Variants in UNC79 observed in about 807,000 individuals in gnomAD.
UNC79 encodes unc-79 subunit of NALCN channel complex.
A neutral mutation model predicts 283.1 loss-of-function variants in UNC79; 37 were observed. The ratio of observed to expected loss-of-function variants is 0.13; its 90% CI spans 0.10 to 0.17. UNC79 has a LOEUF of 0.17. Ranked by LOEUF, UNC79 falls within the 10% of genes least tolerant of loss-of-function variation. The pLI is 1.00. For missense variants in UNC79, 2,272 were observed against 3,211.1 expected (o/e 0.71, Z 7.07); for synonymous variants, 1,107 against 1,200.2 (o/e 0.92, Z 1.61).
rs138148677 is a variant in UNC79, at chr14:93,432,558, G to A, written c.22+1507G>A. Among the ~76,000 whole-genome samples the A allele has an allele frequency of 5.2e-3, 790 of 152,258 alleles. 4 individuals are homozygous for A. Among genetic ancestry groups the A allele is most frequent in the Middle Eastern group, 0.02 (6 of 294 alleles). On this transcript the variant is annotated intron_variant, in intron 1 of 48. Transcript: ENST00000555664. The stretch of plus-strand genomic sequence containing the variant: ...GACAAGCATTGCCCACTTTTAAATA[G>A]TCCATCTCCTCTAAATAGTTAGGAA...
intron 2 of UNC79, among the ~76,000 whole-genome samples, chr14:93,473,112 A>T (rs539894895): frequency 6.6e-6 from 1 of 151,968 alleles, no homozygotes; most frequent in South Asian, 2.1e-4. Context: ...ATTCCCATTA[A>T]TTTTTTTTAA....
chr14:93,455,356 C>T (rs548519978), intron 1 of UNC79, among the ~76,000 whole-genome samples: 4 of 152,160 alleles, frequency 2.6e-5, no homozygotes, highest in Non-Finnish European at 5.9e-5. Context: ...CTCCACATCT[C>T]CATTTCTGAA....
chr14:93,645,998 A>T (rs1171749732), intron 34 of UNC79, among the ~76,000 whole-genome samples: 2 of 152,116 alleles, frequency 1.3e-5, no homozygotes, highest in South Asian at 4.1e-4. Flanking sequence ...TGTTATTCTA[A>T]ACCCATCAGT....
chr14:93,551,784 C>T (rs975093713), intron 14 of UNC79, among the ~76,000 whole-genome samples: 1 of 152,186 alleles, frequency 6.6e-6, no homozygotes, highest in Non-Finnish European at 1.5e-5. Context: ...CCAAGCCCCA[C>T]CCTTACTGTC....
intron 33 of UNC79, among the ~76,000 whole-genome samples, chr14:93,642,824 C>G (rs1165597070): frequency 6.6e-6 from 1 of 152,178 alleles, no homozygotes; most frequent in Non-Finnish European, 1.5e-5. Flanking sequence ...GTTCTTGATT[C>G]CCTGCTATTC....
chr14:93,529,649 C>T (rs145552910), intron 10 of UNC79, among the ~76,000 whole-genome samples: 92 of 152,176 alleles, frequency 6.0e-4, no homozygotes, highest in African/African-American at 2.1e-3. Context: ...AGTTGCTGCA[C>T]CAGGTCTTAC....
At chr14:93,342,414 CAG>C (rs957896692) in intron 1 of UNC79, among the ~76,000 whole-genome samples, 1 of 152,182 alleles carries the variant, frequency 6.6e-6, no homozygotes, top group Non-Finnish European at 1.5e-5. Flanking sequence ...CACAGAGAAA[CAG>C]GGTCCTGGGC....
upstream of UNC79, among the ~76,000 whole-genome samples, chr14:93,430,085 G>C (rs182107225): frequency 1.3e-5 from 2 of 152,272 alleles, no homozygotes; most frequent in East Asian, 1.9e-4. The surrounding 1 kb of genome is among the most constrained non-coding windows in gnomAD (Gnocchi z 4.6). Flanking sequence ...CGCTGCCTTC[G>C]GTTTTCCAGT....
intron 22 of UNC79, among the ~76,000 whole-genome samples, chr14:93,587,586 T>C (rs569173244): frequency 1.3e-5 from 2 of 152,234 alleles, no homozygotes; most frequent in Non-Finnish European, 2.9e-5. Context: ...TATGAGGGCT[T>C]ACTGTATACA....
At chr14:93,494,920 A>T (rs2058946191) in intron 5 of UNC79, among the ~76,000 whole-genome samples, 1 of 152,206 alleles carries the variant, frequency 6.6e-6, no homozygotes, top group African/African-American at 2.4e-5. Context: ...GAAAGCTGCC[A>T]CTGTGGAGGT....
chr14:93,470,293 TAG>T (rs2057436108), intron 2 of UNC79, among the ~76,000 whole-genome samples: 1 of 152,194 alleles, frequency 6.6e-6, no homozygotes, highest in Admixed American at 6.5e-5. Flanking sequence ...ATGATTTTAG[TAG>T]AGTTTCGTAC....
chr14:93,439,763 T>G (rs1157098254), intron 1 of UNC79, among the ~76,000 whole-genome samples: 1 of 152,166 alleles, frequency 6.6e-6, no homozygotes, highest in African/African-American at 2.4e-5. Flanking sequence ...AACTTCTTTC[T>G]CTATTTGTTG....
At chr14:93,695,123 C>T (rs1280341053) in intron 47 of UNC79, among the ~76,000 whole-genome samples, 3 of 152,104 alleles carry the variant, frequency 2.0e-5, no homozygotes, top group Admixed American at 6.6e-5. Flanking sequence ...TCCTTTCCTT[C>T]CTATCGTTCC....
At chr14:93,447,067 T>C (rs2056482871) in intron 1 of UNC79, among the ~76,000 whole-genome samples, 1 of 152,226 alleles carries the variant, frequency 6.6e-6, no homozygotes, top group Admixed American at 6.5e-5. Context: ...ACTGGGTTCA[T>C]ATACATTTAT....
chr14:93,437,441 G>A lies in UNC79; in HGVS notation c.22+6390G>A, dbSNP rs745920540. 6 of 151,956 alleles carry A rather than the reference G, an allele frequency of 3.9e-5. No individual in the cohort carries two copies. The East Asian group carries it at 7.7e-4, about 20-fold the overall frequency. The allele number at this position is 151,956 out of a possible 1,614,324, so 9.4% of individuals were successfully genotyped here. A position where few individuals can be genotyped will look rare whatever the true frequency, so the allele number is the denominator to read the frequency against. ...TCACAGATTTATGTGTCATCCTTGC[G>A]CAAGGGTCATGCGAGTCTTTTGCAT... On this transcript the variant is annotated intron_variant, in intron 1 of 48. Coordinates refer to ENST00000555664, the Ensembl canonical transcript of UNC79.
chr14:93,468,256 G>A (rs1445627737), intron 2 of UNC79, among the ~76,000 whole-genome samples: 1 of 152,106 alleles, frequency 6.6e-6, no homozygotes, highest in Non-Finnish European at 1.5e-5. Flanking sequence ...TGTTCAACAT[G>A]CTTTGCCTTG....
At chr14:93,596,824 A>G (rs2065118879) in intron 23 of UNC79, among the ~76,000 whole-genome samples, 1 of 152,238 alleles carries the variant, frequency 6.6e-6, no homozygotes, top group Non-Finnish European at 1.5e-5. Context: ...TTAGAAATCT[A>G]TCAAGTAAGC....
At chr14:93,529,160 T>C (rs945179450) in intron 9 of UNC79, 126 bp from the exon 10 acceptor site, 45 of 835,562 alleles carry the variant, frequency 5.4e-5, no homozygotes, top group Non-Finnish European at 1.3e-5. Flanking sequence ...TTTATTATGA[T>C]AGTGCTCTTA....
rs941939687 is a variant in UNC79 at position 93,600,781 on chromosome 14, T to C, written c.3574+11T>C. 2 of 1,609,770 alleles carry C rather than the reference T, an allele frequency of 1.2e-6. No individual in the cohort carries two copies. The highest frequency in any genetic ancestry group is 1.7e-6 in the Non-Finnish European group (2 of 1,176,618). On this transcript the variant is annotated intron_variant, in intron 25 of 48. Coordinates refer to ENST00000555664, the Ensembl canonical transcript of UNC79. ...TTCCTTTTCCTACAAGTAAGTAAAA[T>C]GAAGAACTTGCTGTAAACCGTTGCA...
Sources: allele counts gnomAD v4.1 joint callset (sites outside exome capture counted in the v4.1 genomes callset), GRCh38; gene constraint gnomAD v4.1.1; non-coding constraint Gnocchi (gnomAD v3.1); transcripts MANE v1.5; gene names NCBI Gene and HGNC (gene_info 2026-07-23, HGNC 2026-07-21).